The following SLC25A48 variants were observed in gnomAD, a reference collection of about 807,000 sequenced individuals.
The protein encoded by SLC25A48 is CTC-321K16.1.
In SLC25A48, 29 loss-of-function variants were observed where a neutral mutation model predicts 32.2. That is an observed-to-expected ratio of 0.90 (90% CI 0.67 to 1.23). The LOEUF (loss-of-function observed/expected upper bound fraction) is 1.23, where lower values mean the gene tolerates loss of function less well. Among genes scored for constraint, SLC25A48 ranks in the 50% most tolerant of loss-of-function variants. The pLI is 0.00. For missense variants in SLC25A48, 399 were observed against 422.7 expected (o/e 0.94, Z 0.49); for synonymous variants, 164 against 172.3 (o/e 0.95, Z 0.38).
intron 1 of SLC25A48, among the ~76,000 whole-genome samples, chr5:135,587,765 G>A (rs1161460764): frequency 6.6e-6 from 1 of 152,180 alleles, no homozygotes; most frequent in East Asian, 1.9e-4. Flanking sequence ...GCGATTTAAG[G>A]CCATAAAAGA....
intron 1 of SLC25A48, among the ~76,000 whole-genome samples, chr5:135,608,405 T>G (rs1027623268): frequency 6.6e-6 from 1 of 152,246 alleles, no homozygotes; most frequent in South Asian, 2.1e-4. Flanking sequence ...TGCTTGAGTA[T>G]GTATAGCTCA....
intron 3 of SLC25A48, among the ~76,000 whole-genome samples, chr5:135,763,422 G>A (rs905506742): frequency 1.3e-5 from 2 of 152,130 alleles, no homozygotes; most frequent in Non-Finnish European, 2.9e-5. Context: ...GGACCTGCCC[G>A]TAGTGGGCAC....
At chr5:135,585,785 T>TAATAATAATAAA (rs1561746120) in intron 1 of SLC25A48, among the ~76,000 whole-genome samples, 1 of 151,964 alleles carries the variant, frequency 6.6e-6, no homozygotes, top group African/African-American at 2.4e-5. Flanking sequence ...ATAATAATAA[T>TAATAATAATAAA]AAATAATCAG....
chr5:135,751,974 A>G (rs1170428700), intron 3 of SLC25A48, among the ~76,000 whole-genome samples: 1 of 152,226 alleles, frequency 6.6e-6, no homozygotes, highest in Non-Finnish European at 1.5e-5. Context: ...ACAGAAAAAA[A>G]TGAACTTCAA....
chr5:135,806,962 T>C (rs1447436999), intron 3 of SLC25A48, among the ~76,000 whole-genome samples: 1 of 150,480 alleles, frequency 6.6e-6, no homozygotes, highest in Non-Finnish European at 1.5e-5. Flanking sequence ...TTGAATATCA[T>C]AATAACTGTG....
upstream of SLC25A48, among the ~76,000 whole-genome samples, chr5:135,829,927 C>T (rs1006103138): frequency 1.3e-5 from 2 of 152,014 alleles, no homozygotes; most frequent in Admixed American, 6.6e-5. Context: ...ATGGTGTAAA[C>T]GGAGCATGCA....
intron 1 of SLC25A48, among the ~76,000 whole-genome samples, chr5:135,594,262 G>A (rs1270474350): frequency 6.6e-6 from 1 of 152,194 alleles, no homozygotes; most frequent in Non-Finnish European, 1.5e-5. Flanking sequence ...ACTGTTCTTT[G>A]TTTAAATTTC....
chr5:135,599,626 T>C (rs1751741072), intron 1 of SLC25A48, among the ~76,000 whole-genome samples: 1 of 152,220 alleles, frequency 6.6e-6, no homozygotes, highest in African/African-American at 2.4e-5. Flanking sequence ...GCTGTGTGAA[T>C]GGCCACTCCA....
At chr5:135,850,555 C>T in intron 3 of SLC25A48, 59 bp downstream of exon 3, 1 of 1,542,440 alleles carries the variant, frequency 6.5e-7, no homozygotes, top group Non-Finnish European at 8.9e-7. Flanking sequence ...GGCTGGGGAC[C>T]AGGGCCACAG....
At chr5:135,609,680 G>A (rs1752021078) in intron 1 of SLC25A48, 1 of 152,208 alleles carries the variant, frequency 6.6e-6, no homozygotes. Flanking sequence ...AGGATCATGG[G>A]AAGTAACCTG....
At chr5:135,746,012 T>C (rs1420181785) in intron 3 of SLC25A48, among the ~76,000 whole-genome samples, 2 of 152,180 alleles carry the variant, frequency 1.3e-5, no homozygotes, top group Non-Finnish European at 2.9e-5. Flanking sequence ...TTGGCCTCCA[T>C]CCGTGCCACA....
At chr5:135,636,404 T>C (rs1193107289) in intron 3 of SLC25A48, among the ~76,000 whole-genome samples, 1 of 152,244 alleles carries the variant, frequency 6.6e-6, no homozygotes. Flanking sequence ...AGGTCACTTC[T>C]GACTGGATGG....
Position 135,888,008 on chromosome 5 carries a change from G to A in SLC25A48, c.*8-24G>A, listed in dbSNP as rs1020823348. 12 of 1,550,694 alleles carry A rather than the reference G, an allele frequency of 7.7e-6. No homozygotes were observed. In the African/African-American group the frequency reaches 1.5e-4, roughly 19 times the overall value. On this transcript the variant is annotated intron_variant, in intron 7 of 7. Transcript: ENST00000681962. ...GTTCTTTGCCTGCCTTCTTCTCTGA[G>A]TCTGGGTTGTTTGCTGTTTCCAGGA... is the stretch of plus-strand genomic sequence containing the variant.
chr5:135,802,259 TACC>T (rs1757349241), intron 3 of SLC25A48, among the ~76,000 whole-genome samples: 1 of 151,644 alleles, frequency 6.6e-6, no homozygotes, highest in Non-Finnish European at 1.5e-5. Flanking sequence ...CATGCATGTA[TACC>T]CTGTGATATT....
intron 3 of SLC25A48, among the ~76,000 whole-genome samples, chr5:135,812,265 A>T (rs1240118627): frequency 6.6e-6 from 1 of 152,158 alleles, no homozygotes; most frequent in East Asian, 1.9e-4. Flanking sequence ...CATCAGGGTA[A>T]CTGGAGTATC....
chr5:135,797,201 G>A (rs1054260749), intron 3 of SLC25A48, among the ~76,000 whole-genome samples: 9 of 151,882 alleles, frequency 5.9e-5, no homozygotes, highest in African/African-American at 2.2e-4. Context: ...CGCAGTGGGT[G>A]TACACCCCCA....
chr5:135,616,924 T>C (rs977077263), intron 1 of SLC25A48, among the ~76,000 whole-genome samples: 3 of 152,240 alleles, frequency 2.0e-5, no homozygotes, highest in African/African-American at 2.4e-5. Context: ...GTTTACTTTT[T>C]TGTTGTGTCC....
At chr5:135,881,811 T>A (rs1019349101) in intron 7 of SLC25A48, among the ~76,000 whole-genome samples, 1 of 152,252 alleles carries the variant, frequency 6.6e-6, no homozygotes, top group Non-Finnish European at 1.5e-5. Context: ...GTATGTCTTA[T>A]GTGTATTTTC....
chr5:135,744,452 G>C (rs750837028), intron 3 of SLC25A48, among the ~76,000 whole-genome samples: 1 of 151,960 alleles, frequency 6.6e-6, no homozygotes, highest in Non-Finnish European at 1.5e-5. Context: ...CCCAGTTCAA[G>C]TGATCCTCCC....
Sources: gnomAD v4.1 joint callset for allele counts (sites outside exome capture counted in the v4.1 genomes callset) on GRCh38, gnomAD v4.1.1 for gene constraint, MANE v1.5 for transcripts, NCBI Gene and HGNC (gene_info 2026-07-23, HGNC 2026-07-21) for gene names.